FARS2: variants seen among roughly 807,000 people sequenced by gnomAD.
The protein encoded by FARS2 is phenylalanine--tRNA ligase, mitochondrial.
Under a neutral mutation model 46.4 loss-of-function variants are expected in FARS2, and 40 were observed. The observed-to-expected ratio is 0.86, with a 90% confidence interval of 0.67 to 1.12. The LOEUF (loss-of-function observed/expected upper bound fraction) is 1.12, where lower values mean the gene tolerates loss of function less well. Ranked by LOEUF, FARS2 falls within the 50% of genes most tolerant of loss-of-function variation. FARS2 has a pLI of 0.00. For missense variants in FARS2, 513 were observed against 567.9 expected, an observed-to-expected ratio of 0.90 and a Z score of 0.98; for synonymous variants, 234 against 214.9, an observed-to-expected ratio of 1.09 and a Z score of -0.78.
chr6:5,272,667 T>G (rs1239234540), intron 1 of FARS2, among the ~76,000 whole-genome samples: 1 of 152,146 alleles, frequency 6.6e-6, no homozygotes, highest in Non-Finnish European at 1.5e-5. Flanking sequence ...CTAGAAACAT[T>G]CAAATTGTTT....
At chr6:5,436,375 A>G (rs1294666236) in intron 4 of FARS2, among the ~76,000 whole-genome samples, 1 of 125,176 alleles carries the variant, frequency 8.0e-6, no homozygotes, top group Non-Finnish European at 1.9e-5. Context: ...ACTGTTGTTG[A>G]TCTCAGTTGG....
At chr6:5,721,838 A>C (rs1759930425) in intron 6 of FARS2, among the ~76,000 whole-genome samples, 2 of 152,228 alleles carry the variant, frequency 1.3e-5, no homozygotes, top group Non-Finnish European at 2.9e-5. Context: ...TCCATGTAAA[A>C]ATAATGTTCC....
intron 6 of FARS2, among the ~76,000 whole-genome samples, chr6:5,746,905 CAT>C (rs1276969409): frequency 6.6e-6 from 1 of 152,152 alleles, no homozygotes; most frequent in Non-Finnish European, 1.5e-5. Context: ...AAATGGGAAA[CAT>C]ATGTAGGACC....
chr6:5,485,181 C>T (rs1015811094), intron 4 of FARS2, among the ~76,000 whole-genome samples: 12 of 152,132 alleles, frequency 7.9e-5, no homozygotes, highest in African/African-American at 2.9e-4. Context: ...AGTCAGTGGA[C>T]TCGGAGCTGC....
chr6:5,732,616 G>A (rs1198918838), intron 6 of FARS2, among the ~76,000 whole-genome samples: 1 of 152,144 alleles, frequency 6.6e-6, no homozygotes. Flanking sequence ...AATGAGGAGG[G>A]AGAAAAACAG....
intron 1 of FARS2, among the ~76,000 whole-genome samples, chr6:5,338,511 G>A (rs1771320496): frequency 6.6e-6 from 1 of 152,128 alleles, no homozygotes; most frequent in South Asian, 2.1e-4. Flanking sequence ...TGTCCAGGTT[G>A]CCTTGACCGC....
intron 6 of FARS2, among the ~76,000 whole-genome samples, chr6:5,680,564 C>T (rs1232779565): frequency 6.6e-5 from 10 of 152,164 alleles, no homozygotes; most frequent in African/African-American, 1.7e-4. Context: ...CCACATGAGG[C>T]GTATATGGAA....
intron 6 of FARS2, among the ~76,000 whole-genome samples, chr6:5,748,407 T>A (rs1761758590): frequency 6.6e-6 from 1 of 152,154 alleles, no homozygotes; most frequent in South Asian, 2.1e-4. Context: ...CCTCAAAAGC[T>A]TTGGGACTCT....
At chr6:5,383,010 G>A (rs186249832) in intron 2 of FARS2, among the ~76,000 whole-genome samples, 1 of 152,282 alleles carries the variant, frequency 6.6e-6, no homozygotes, top group African/African-American at 2.4e-5. Context: ...TGCTTTACTC[G>A]CTTTGCCTGT....
rs34162253 is a variant in FARS2 at position 5,605,748 on chromosome 6, G to GA, written c.1066-7411dup. On this transcript the variant is annotated intron_variant, in intron 5 of 6. Coordinates refer to ENST00000274680, the MANE Select transcript of FARS2 (RefSeq NM_006567.5). ...AAAGTAAAATAAAAAAGCTATCTTG[G>GA]AAAAAAAAAATGCCTGATGCCCTCA... Among the ~76,000 whole-genome samples, 637 of 147,588 alleles carry GA rather than the reference G, an allele frequency of 4.3e-3. 4 individuals are homozygous for GA. The highest frequency in any genetic ancestry group is 0.034 in the Middle Eastern group (10 of 292).
rs751704083 is a variant in FARS2 at position 5,764,229 on chromosome 6, G to A, written c.1218-7062G>A. On this transcript the variant is annotated intron_variant, in intron 6 of 6. Coordinates refer to ENST00000274680, the MANE Select transcript of FARS2 (RefSeq NM_006567.5). This position sits in a 1 kb window ranked among gnomAD's most constrained non-coding sequence, Gnocchi z 4.1. ...AGGGTGATGTAAGCTGCCCAGAGTCGCACAGCTAGCAAAGGGCAGAGCAGG... is the reference window on the plus strand; with the variant it reads ...AGGGTGATGTAAGCTGCCCAGAGTCACACAGCTAGCAAAGGGCAGAGCAGG... 1.3e-5 allele frequency among the ~76,000 whole-genome samples: 2 copies of A among 152,140 alleles called. No homozygotes were observed. Among genetic ancestry groups the A allele is most frequent in the Non-Finnish European group, 2.9e-5 (2 of 68,012 alleles).
At chr6:5,522,522 G>A (rs72817759) in intron 4 of FARS2, among the ~76,000 whole-genome samples, 16,238 of 152,316 alleles carry the variant, frequency 0.11, 1,102 homozygotes, top group South Asian at 0.2. Context: ...TGCCCCATTA[G>A]CACATTTTGT....
At chr6:5,470,529 T>C (rs916878938) in intron 4 of FARS2, among the ~76,000 whole-genome samples, 1 of 152,196 alleles carries the variant, frequency 6.6e-6, no homozygotes, top group African/African-American at 2.4e-5. Flanking sequence ...CATTACATAA[T>C]GGAAAAAAGA....
intron 6 of FARS2, among the ~76,000 whole-genome samples, chr6:5,759,299 T>C (rs1298230215): frequency 2.6e-5 from 4 of 152,188 alleles, no homozygotes; most frequent in Non-Finnish European, 4.4e-5. Flanking sequence ...TGACTTTTAA[T>C]AGCCCTTTTG....
At chr6:5,421,444 T>C (rs1428507342) in intron 3 of FARS2, among the ~76,000 whole-genome samples, 1 of 152,218 alleles carries the variant, frequency 6.6e-6, no homozygotes, top group Non-Finnish European at 1.5e-5. Flanking sequence ...TTTCACCTTC[T>C]TGTTACTTAT....
chr6:5,304,568 A>G lies in FARS2; in HGVS notation c.-22+42908A>G, dbSNP rs567938653. 3.9e-5 allele frequency among the ~76,000 whole-genome samples: 6 copies of G among 152,326 alleles called. No individual in the cohort carries two copies. In the East Asian group the frequency reaches 1.2e-3, roughly 29 times the overall value. On this transcript the variant is annotated intron_variant, in intron 1 of 6. Transcript: ENST00000274680. ...CAATTCACAATGCCACCACAAAGGC[A>G]TTCGTTTCCCAGATGGCCAACTTGG...
At chr6:5,714,196 T>C (rs1296467167) in intron 6 of FARS2, among the ~76,000 whole-genome samples, 1 of 152,110 alleles carries the variant, frequency 6.6e-6, no homozygotes, top group Non-Finnish European at 1.5e-5. Flanking sequence ...GCCAAAGCAC[T>C]TTGCTAGTTT....
intron 1 of FARS2, among the ~76,000 whole-genome samples, chr6:5,263,723 C>G (rs1426612823): frequency 6.6e-6 from 1 of 152,152 alleles, no homozygotes; most frequent in Non-Finnish European, 1.5e-5. Flanking sequence ...TATCGACTAC[C>G]TGTAGTTCTT....
chr6:5,412,380 G>T (rs959843900), intron 3 of FARS2, among the ~76,000 whole-genome samples: 1 of 152,204 alleles, frequency 6.6e-6, no homozygotes, highest in Non-Finnish European at 1.5e-5. Flanking sequence ...TGGCCTGACT[G>T]TAGTTCGTTG....
Sources: allele counts gnomAD v4.1 joint callset (sites outside exome capture counted in the v4.1 genomes callset), GRCh38; gene constraint gnomAD v4.1.1; non-coding constraint Gnocchi (gnomAD v3.1); transcripts MANE v1.5; gene names NCBI Gene and HGNC (gene_info 2026-07-23, HGNC 2026-07-21).